RSRC1: variants seen among roughly 807,000 people sequenced by gnomAD.
RSRC1 encodes arginine and serine rich coiled-coil 1.
A neutral mutation model predicts 49.1 loss-of-function variants in RSRC1; 39 were observed. The observed-to-expected ratio is 0.79, with a 90% CI of 0.61 to 1.04. The LOEUF (loss-of-function observed/expected upper bound fraction) is 1.04, where lower values mean the gene tolerates loss of function less well. Ranked by LOEUF, RSRC1 falls within the 50% of genes least tolerant of loss-of-function variation. The pLI is 0.00. For missense variants in RSRC1, 388 were observed against 402.4 expected, an observed-to-expected ratio of 0.96 and a Z score of 0.31; for synonymous variants, 143 against 130.8, an observed-to-expected ratio of 1.09 and a Z score of -0.63.
Position 158,473,429 on chromosome 3 carries a change from T to C in RSRC1, c.652+12426T>C, listed in dbSNP as rs1578521720. ...ATCGCAAGGACAAAAAACCAAACAC[T>C]GCATGTTCTTACTCATAGGTGGGAA... On this transcript the variant is annotated intron_variant, in intron 7 of 9. Coordinates refer to ENST00000611884, the MANE Select transcript of RSRC1 (RefSeq NM_001271838.2). Among the ~76,000 whole-genome samples, 3 of 152,034 alleles carry C rather than the reference T, an allele frequency of 2.0e-5. No homozygotes were observed. In the South Asian group the frequency reaches 6.2e-4, roughly 32 times the overall value.
intron 6 of RSRC1, among the ~76,000 whole-genome samples, chr3:158,449,851 C>A (rs1284376992): frequency 6.6e-6 from 1 of 151,884 alleles, no homozygotes; most frequent in Non-Finnish European, 1.5e-5. Context: ...ATATAGCTGT[C>A]CTCGGTTAAG....
intron 3 of RSRC1, among the ~76,000 whole-genome samples, chr3:158,176,452 G>C (rs529345511): frequency 6.6e-6 from 1 of 152,094 alleles, no homozygotes; most frequent in Non-Finnish European, 1.5e-5. Context: ...CCAAAACAGA[G>C]ATATAGATCA....
chr3:158,181,147 T>C (rs1161431933), intron 3 of RSRC1, among the ~76,000 whole-genome samples: 2 of 152,190 alleles, frequency 1.3e-5, no homozygotes, highest in Admixed American at 6.5e-5. Context: ...GATACATGGC[T>C]AGGGATGAGA....
chr3:158,364,603 A>T (rs1487741972), intron 6 of RSRC1, among the ~76,000 whole-genome samples: 1 of 152,048 alleles, frequency 6.6e-6, no homozygotes, highest in African/African-American at 2.4e-5. Flanking sequence ...GATTTCAATG[A>T]GTTAGTATTT....
chr3:158,456,857 T>A (rs183636195), intron 6 of RSRC1, among the ~76,000 whole-genome samples: 233 of 152,282 alleles, frequency 1.5e-3, no homozygotes, highest in African/African-American at 3.9e-3. Context: ...AGCACTTTTT[T>A]AAAATTTTTT....
chr3:158,347,123 A>C (rs1326988456), intron 5 of RSRC1, among the ~76,000 whole-genome samples: 1 of 152,350 alleles, frequency 6.6e-6, no homozygotes, highest in East Asian at 1.9e-4. Context: ...TAGACATTTT[A>C]GTAAATAGTA....
chr3:158,417,488 T>C (rs1734808904), intron 6 of RSRC1, among the ~76,000 whole-genome samples: 1 of 151,972 alleles, frequency 6.6e-6, no homozygotes, highest in African/African-American at 2.4e-5. Flanking sequence ...GGAGGCAATA[T>C]AGTAAAGTAG....
intron 7 of RSRC1, among the ~76,000 whole-genome samples, chr3:158,518,090 G>A (rs1740673667): frequency 1.0e-5 from 1 of 97,480 alleles, no homozygotes; most frequent in Non-Finnish European, 2.0e-5. Flanking sequence ...GTACGTAAGT[G>A]CGTGCGTGTG....
intron 6 of RSRC1, among the ~76,000 whole-genome samples, chr3:158,422,495 T>C (rs1196709148): frequency 6.6e-6 from 1 of 150,990 alleles, no homozygotes; most frequent in Non-Finnish European, 1.5e-5. Context: ...TTTGGGTTGG[T>C]TCCAAGTCTT....
chr3:158,230,899 G>A (rs1722909781), intron 4 of RSRC1, among the ~76,000 whole-genome samples: 1 of 152,024 alleles, frequency 6.6e-6, no homozygotes, highest in Non-Finnish European at 1.5e-5. Context: ...TGGATTCAAG[G>A]TGAGTTGTAT....
chr3:158,326,875 G>A (rs969538344), intron 5 of RSRC1, among the ~76,000 whole-genome samples: 6 of 152,128 alleles, frequency 3.9e-5, no homozygotes, highest in Non-Finnish European at 2.9e-5. Context: ...TTTTTTGGTT[G>A]GTAGGCTATT....
At chr3:158,421,412 T>TG (rs1405180143) in intron 6 of RSRC1, among the ~76,000 whole-genome samples, 2 of 151,910 alleles carry the variant, frequency 1.3e-5, no homozygotes, top group African/African-American at 4.8e-5. Context: ...GTAAATGTTA[T>TG]GGTAGTGGTA....
At chr3:158,404,933 T>A (rs1176000505) in intron 6 of RSRC1, among the ~76,000 whole-genome samples, 1 of 151,970 alleles carries the variant, frequency 6.6e-6, no homozygotes, top group Admixed American at 6.6e-5. Flanking sequence ...GCTACTGTAA[T>A]GGTTTTCAAG....
chr3:158,420,896 G>A (rs6794264), intron 6 of RSRC1, among the ~76,000 whole-genome samples: 2,411 of 151,952 alleles, frequency 0.016, 84 homozygotes, highest in African/African-American at 0.055. Flanking sequence ...GTACATTCTG[G>A]TGGAGAAAGT....
chr3:158,486,384 T>G (rs761411549), intron 7 of RSRC1, among the ~76,000 whole-genome samples: 3 of 152,174 alleles, frequency 2.0e-5, no homozygotes, highest in African/African-American at 7.2e-5. Context: ...CCAGGCACCA[T>G]GTTAAATGCT....
At chr3:158,346,530 A>C (rs1471988213) in intron 5 of RSRC1, among the ~76,000 whole-genome samples, 1 of 152,222 alleles carries the variant, frequency 6.6e-6, no homozygotes, top group Non-Finnish European at 1.5e-5. Context: ...GTACATGAAA[A>C]GATGCTCAAC....
At chr3:158,538,977 G>A (rs1037184870) in intron 8 of RSRC1, among the ~76,000 whole-genome samples, 1 of 151,886 alleles carries the variant, frequency 6.6e-6, no homozygotes, top group Non-Finnish European at 1.5e-5. Flanking sequence ...ATAAGGCAAG[G>A]ATTCAGGATG....
chr3:158,174,756 A>G (rs1719100776), intron 3 of RSRC1, among the ~76,000 whole-genome samples: 1 of 152,076 alleles, frequency 6.6e-6, no homozygotes, highest in South Asian at 2.1e-4. Context: ...TTTATCTTTT[A>G]ACAATGGATA....
chr3:158,307,985 A>T (rs1276733595), intron 5 of RSRC1, among the ~76,000 whole-genome samples: 1 of 151,904 alleles, frequency 6.6e-6, no homozygotes, highest in African/African-American at 2.4e-5. Context: ...TGAGAACCAC[A>T]GACATTTTTA....
Sources: gnomAD v4.1 joint callset for allele counts (sites outside exome capture counted in the v4.1 genomes callset) on GRCh38, gnomAD v4.1.1 for gene constraint, MANE v1.5 for transcripts, NCBI Gene and HGNC (gene_info 2026-07-23, HGNC 2026-07-21) for gene names.